Variants in ATG14 observed in about 807,000 individuals in gnomAD.
ATG14 encodes beclin 1-associated autophagy-related key regulator.
Under a neutral mutation model 60.4 loss-of-function variants are expected in ATG14, and 35 were observed. The ratio of observed to expected loss-of-function variants is 0.58; its 90% CI spans 0.44 to 0.77. The LOEUF is 0.77. ATG14 is among the 30% of genes least tolerant of loss of function. The pLI is 0.00. For missense variants in ATG14, 647 were observed against 626.3 expected (o/e 1.03, Z -0.35); for synonymous variants, 234 against 228.8 (o/e 1.02, Z -0.21).
At chr14:55,394,518 A>G (rs1484492253) in intron 3 of ATG14, among the ~76,000 whole-genome samples, 2 of 152,206 alleles carry the variant, frequency 1.3e-5, no homozygotes, top group Admixed American at 6.5e-5. Context: ...TCACACATTG[A>G]TAAGCTGTTA....
rs892288796 is a variant in ATG14 at position 55,367,567 on chromosome 14, A to C, written c.*2052T>G. 2.6e-5 allele frequency: 4 copies of C among 152,234 alleles called. No individual in the cohort carries two copies. The highest frequency in any genetic ancestry group is 9.7e-5 in the African/African-American group (4 of 41,434). 9.4% of individuals were successfully genotyped at this position (152,234 alleles called of 1,614,324 possible). A position where few individuals can be genotyped will look rare whatever the true frequency, so the allele number is the denominator to read the frequency against. ...AGACCAGCCTGGCCAACATGGTGAA[A>C]ACCCCCGTCTTTACTAAAATACAAA... On this transcript the variant is annotated 3_prime_UTR_variant, in exon 10 of 10. Coordinates refer to ENST00000247178, the MANE Select transcript of ATG14 (RefSeq NM_014924.5).
In ATG14 at chr14:55,368,209, T is replaced by G. The variant is rs1304033686; in HGVS notation, c.*1410A>C. 1.3e-5 allele frequency: 2 copies of G among 152,504 alleles called. No individual in the cohort carries two copies. Among genetic ancestry groups the G allele is most frequent in the African/African-American group, 4.8e-5 (2 of 41,298 alleles). The allele number at this position is 152,504 out of a possible 1,614,324, so 9.4% of individuals were successfully genotyped here. On this transcript the variant is annotated 3_prime_UTR_variant, in exon 10 of 10. Transcript: ENST00000247178. ...CAAGACACGTGAGCTGAAAATGATC[T>G]CCTGCTGAGGGAAATTCTTTTTTTT...
rs750882572 is a variant in ATG14 at position 55,367,943 on chromosome 14, A to T, written c.*1676T>A. On this transcript the variant is annotated 3_prime_UTR_variant, in exon 10 of 10. Transcript: ENST00000247178. Reference sequence around the variant, plus strand: ...GACTTGGAGGCAAAGTATCAACTACAATTATTATGATGAGAAAAGAAGCTG... The same window carrying T: ...GACTTGGAGGCAAAGTATCAACTACTATTATTATGATGAGAAAAGAAGCTG... 6.6e-6 allele frequency: 1 copy of T among 152,564 alleles called. No individual in the cohort carries two copies. Among genetic ancestry groups the T allele is most frequent in the Non-Finnish European group, 1.5e-5 (1 of 68,042 alleles). The allele number at this position is 152,564 out of a possible 1,614,324, so 9.5% of individuals were successfully genotyped here. A position where few individuals can be genotyped will look rare whatever the true frequency, so the allele number is the denominator to read the frequency against.
rs1885012083 is a variant in ATG14 at position 55,380,664 on chromosome 14, T to C, written c.904A>G (p.Thr302Ala). The C allele has an allele frequency of 3.7e-6, 6 of 1,611,102 alleles. No homozygotes were observed. The highest frequency in any genetic ancestry group is 1.7e-4 in the Middle Eastern group (1 of 6,050). ...GCATAGCACAGCGCAGCACTGATGG[T>C]GTAGGCAGGGTTACTCTGCTCCATG... The part of the protein sequence containing the change: ...PDMEQSNPAY[T>A]ISAALCYATQ... Residue 302 changes from threonine to alanine, a missense_variant, in exon 7 of 10, where the codon ACC (threonine) becomes GCC (alanine). Thr to Ala is a moderately conservative substitution (Grantham distance 58). Coordinates refer to ENST00000247178, the MANE Select transcript of ATG14 (RefSeq NM_014924.5).
chr14:55,385,838 C>G, intron 5 of ATG14, 21 bp downstream of exon 5: 1 of 1,573,232 alleles, frequency 6.4e-7, no homozygotes, highest in Admixed American at 1.8e-5. Flanking sequence ...TTCCTGGAGT[C>G]AAAAGACTTG....
At chr14:55,390,835 C>T in intron 4 of ATG14, 76 bp downstream of exon 4, 1 of 1,004,850 alleles carries the variant, frequency 1.0e-6, no homozygotes, top group Non-Finnish European at 1.5e-6. Flanking sequence ...CTTTCTGTGT[C>T]CCTCTAGTTT....
rs750433610 is a variant in ATG14 at position 55,369,614 on chromosome 14, G to A, written c.*5C>T. ...GCAGATTTGGTATGTTTTGGTCCATGCTCGTTAACGGTGTCCAGTGTAAGC... is the reference window on the plus strand; with the variant it reads ...GCAGATTTGGTATGTTTTGGTCCATACTCGTTAACGGTGTCCAGTGTAAGC... On this transcript the variant is annotated 3_prime_UTR_variant, in exon 10 of 10. Coordinates refer to ENST00000247178, the MANE Select transcript of ATG14 (RefSeq NM_014924.5). 8.7e-6 allele frequency: 13 copies of A among 1,501,912 alleles called. No individual in the cohort carries two copies. The South Asian group carries it at 1.7e-4, about 19-fold the overall frequency. 93.0% of individuals were successfully genotyped at this position (1,501,912 alleles called of 1,614,324 possible).
chr14:55,373,853 G>A lies in ATG14; in HGVS notation c.1173-3928C>T, dbSNP rs555899247. Among the ~76,000 whole-genome samples, 5 of 150,830 alleles carry A rather than the reference G, an allele frequency of 3.3e-5. No individual in the cohort carries two copies. In the South Asian group the frequency reaches 1.0e-3, roughly 32 times the overall value. ...TTTTCAGAATAGAATCCTCAGTTGT[G>A]CCGGTCTGAACAGAAACAGGAAATC... On this transcript the variant is annotated intron_variant, in intron 9 of 9. Transcript: ENST00000247178.
Position 55,385,905 on chromosome 14 carries a change from G to C in ATG14, c.601C>G (p.Leu201Val), listed in dbSNP as rs1168102893. 6.2e-7 allele frequency: 1 copy of C among 1,614,032 alleles called. No homozygotes were observed. The highest frequency in any genetic ancestry group is 1.1e-5 in the South Asian group (1 of 91,068). Residue 201 changes from leucine (L) to valine (V), a missense_variant, in exon 5 of 10, where the codon CTC becomes GTC. By Grantham distance (32) the Leu-to-Val change is conservative. Transcript: ENST00000247178. ...ANLRRSHILE[L>V]TSVIFPIEEV... ...TCGATTGGAAAAATGACAGAGGTGAGCTCTAATATATGGGATCGTCGAAGA... is the reference window on the plus strand; with the variant it reads ...TCGATTGGAAAAATGACAGAGGTGACCTCTAATATATGGGATCGTCGAAGA...
rs1884719729 is a variant in ATG14 at position 55,367,956 on chromosome 14, AG to A, written c.*1662del. The A allele has an allele frequency of 1.3e-5, 2 of 152,636 alleles. No individual in the cohort carries two copies. Among genetic ancestry groups the A allele is most frequent in the African/African-American group, 4.8e-5 (2 of 41,450 alleles). The allele number at this position is 152,636 out of a possible 1,614,324, so 9.5% of individuals were successfully genotyped here. On this transcript the variant is annotated 3_prime_UTR_variant, in exon 10 of 10. Coordinates refer to ENST00000247178, the MANE Select transcript of ATG14 (RefSeq NM_014924.5). ...AGTATCAACTACAATTATTATGATG[AG>A]AAAAGAAGCTGGGGCATGGCAAACC... is the stretch of plus-strand genomic sequence containing the variant.
At chr14:55,371,306 C>T (rs912605406) in intron 9 of ATG14, among the ~76,000 whole-genome samples, 1 of 152,192 alleles carries the variant, frequency 6.6e-6, no homozygotes, top group Non-Finnish European at 1.5e-5. Flanking sequence ...TGGCTTCCAA[C>T]GCACCTCACC....
At chr14:55,394,801 GC>G (rs1251571162) in intron 3 of ATG14, 1 of 252,222 alleles carries the variant, frequency 4.0e-6, no homozygotes, top group East Asian at 1.2e-4. Context: ...CATTTAGTAT[GC>G]CTGGTATTAT....
In ATG14 at chr14:55,368,279, G is replaced by C. The variant is rs1265727037; in HGVS notation, c.*1340C>G. The C allele has an allele frequency of 2.0e-5, 3 of 152,442 alleles. No homozygotes were observed. Among genetic ancestry groups the C allele is most frequent in the Non-Finnish European group, 4.4e-5 (3 of 68,190 alleles). The allele number at this position is 152,442 out of a possible 1,614,324, so 9.4% of individuals were successfully genotyped here. ...CTTGTTGCCCAGGCTGGAGTGCAATGGCACAATCTCGGCTCACTGCAACCT... is the reference window on the plus strand; with the variant it reads ...CTTGTTGCCCAGGCTGGAGTGCAATCGCACAATCTCGGCTCACTGCAACCT... On this transcript the variant is annotated 3_prime_UTR_variant, in exon 10 of 10. Transcript: ENST00000247178.
At chr14:55,377,752 C>A in intron 9 of ATG14, 67 bp downstream of exon 9, 2 of 1,213,484 alleles carry the variant, frequency 1.6e-6, no homozygotes, top group East Asian at 2.4e-5. Context: ...CTCTACTATG[C>A]CAACATACAA....
At chr14:55,399,659 AG>A (rs1443251188) in intron 1 of ATG14, among the ~76,000 whole-genome samples, 1 of 152,250 alleles carries the variant, frequency 6.6e-6, no homozygotes, top group African/African-American at 2.4e-5. Context: ...AGACTAATAT[AG>A]TATTTACTTT....
At chr14:55,375,780 T>C (rs1364673541) in intron 9 of ATG14, among the ~76,000 whole-genome samples, 1 of 152,232 alleles carries the variant, frequency 6.6e-6, no homozygotes, top group Non-Finnish European at 1.5e-5. Flanking sequence ...TGCTTTGCCT[T>C]GGCAAGGCCT....
Position 55,369,898 on chromosome 14 carries a change from G to A in ATG14, c.1200C>T (p.Asp400=). 2.5e-6 allele frequency: 4 copies of A among 1,612,720 alleles called. No homozygotes were observed. The highest frequency in any genetic ancestry group is 4.5e-5 in the East Asian group (2 of 44,842). The change falls in exon 10 of 10, where the codon GAC becomes GAT. Residue 400 remains aspartate (D), a synonymous_variant. Transcript: ENST00000247178. The stretch of plus-strand genomic sequence containing the variant: ...CCACAAATTCCATGGACTCCTCAAG[G>A]TCTGCTCGTACTTCAAAGGGCCCTG... ...GRSGPFEVRA[D]LEESMEFVDP... is the part of the protein sequence containing the mutation.
In ATG14 at chr14:55,366,514, T is replaced by C. The variant is rs1371547330; in HGVS notation, c.*3105A>G. ...GCAACATGATACTGTGAGGAGATTC[T>C]CGGACACTAGTCCTCTAACAGCATG... On this transcript the variant is annotated 3_prime_UTR_variant, in exon 10 of 10. Coordinates refer to ENST00000247178, the MANE Select transcript of ATG14 (RefSeq NM_014924.5). 4.6e-5 allele frequency: 7 copies of C among 152,670 alleles called. No individual in the cohort carries two copies. The highest frequency in any genetic ancestry group is 3.9e-4 in the Admixed American group (6 of 15,280). 9.5% of individuals were successfully genotyped at this position (152,670 alleles called of 1,614,324 possible). A position where few individuals can be genotyped will look rare whatever the true frequency, so the allele number is the denominator to read the frequency against.
intron 1 of ATG14, among the ~76,000 whole-genome samples, chr14:55,402,019 T>C (rs1289550226): frequency 2.0e-5 from 3 of 152,226 alleles, no homozygotes; most frequent in Admixed American, 6.5e-5. Flanking sequence ...GCTACAATCA[T>C]GGGCAACTGA....
Sources: allele counts gnomAD v4.1 joint callset (sites outside exome capture counted in the v4.1 genomes callset), GRCh38; gene constraint gnomAD v4.1.1; transcripts MANE v1.5; gene names NCBI Gene and HGNC (gene_info 2026-07-23, HGNC 2026-07-21).